ZNF236: variants seen among roughly 807,000 people sequenced by gnomAD.
ZNF236 encodes the protein zinc finger protein 236.
ZNF236 carries 50 observed loss-of-function variants against 191.2 expected under a neutral mutation model. The observed-to-expected ratio is 0.26, with a 90% CI of 0.21 to 0.33. The LOEUF is 0.33. Ranked by LOEUF, ZNF236 falls within the 10% of genes least tolerant of loss-of-function variation. The probability of loss-of-function intolerance (pLI) is 1.00; values close to 1 mark genes in which losing one functional copy is unlikely to be tolerated. For synonymous variants in ZNF236, 907 were observed against 928.8 expected, an observed-to-expected ratio of 0.98 and a Z score of 0.43; for missense variants, 1,754 against 2,374.5, an observed-to-expected ratio of 0.74 and a Z score of 5.43.
chr18:76,876,900 G>C (rs867021129), intron 6 of ZNF236, among the ~76,000 whole-genome samples: 1 of 152,176 alleles, frequency 6.6e-6, no homozygotes, highest in Non-Finnish European at 1.5e-5. Context: ...CTCACCTGTT[G>C]CCACTGAGAA....
Position 76,875,867 on chromosome 18 carries a change from T to G in ZNF236, c.840+203T>G, listed in dbSNP as rs1413424033. ...GAAGAAATATAAACTACTATCTTTT[T>G]TGTCTTCTTGCTGACAGCATGGCTT... On this transcript the variant is annotated intron_variant, in intron 6 of 30. Transcript: ENST00000320610. This position sits in a 1 kb window ranked among gnomAD's most constrained non-coding sequence, Gnocchi z 4.3. Among the ~76,000 whole-genome samples, 2 of 152,248 alleles carry G rather than the reference T, an allele frequency of 1.3e-5. No homozygotes were observed. The highest frequency in any genetic ancestry group is 2.4e-5 in the African/African-American group (1 of 41,472).
rs1221660213 is a variant in ZNF236 at position 76,881,147 on chromosome 18, T to A, written c.1189-137T>A. On this transcript the variant is annotated intron_variant, in intron 8 of 30. Coordinates refer to ENST00000320610, the MANE Select transcript of ZNF236 (RefSeq NM_001306089.2). ...CTCAAAGGGTTGGAAGCCTCACTTA[T>A]AAGTGATGACTTGGAATTGTAGATT... is the stretch of plus-strand genomic sequence containing the variant. 10 of 781,792 alleles carry A rather than the reference T, an allele frequency of 1.3e-5. No individual in the cohort carries two copies. In the East Asian group the frequency reaches 2.7e-4, roughly 21 times the overall value. 48.4% of individuals were successfully genotyped at this position (781,792 alleles called of 1,614,324 possible). A position where few individuals can be genotyped will look rare whatever the true frequency, so the allele number is the denominator to read the frequency against.
chr18:76,898,994 T>C, intron 10 of ZNF236, 25 bp from the exon 11 acceptor site: 3 of 1,587,706 alleles, frequency 1.9e-6, no homozygotes, highest in Non-Finnish European at 2.6e-6. Context: ...GAAATAATTC[T>C]AAAATGTGAT....
At position 76,913,887 on chromosome 18, in the gene ZNF236, A is replaced by G. The variant is rs760108287; in HGVS notation, c.3050A>G (p.Lys1017Arg). The change falls in exon 18 of 31, where the codon AAG (lysine) becomes AGG (arginine). Residue 1017 changes from lysine to arginine, a missense_variant. By Grantham distance (26) the Lys-to-Arg change is conservative. Around this residue, in one of 5 missense-constraint regions of ZNF236, gnomAD observed 641 missense variants for 869.6 expected, o/e 0.74. Coordinates refer to ENST00000320610, the MANE Select transcript of ZNF236 (RefSeq NM_001306089.2). ...VSSGVLKSHE[K>R]THTGVKAFSC... is the part of the protein sequence containing the mutation. ...TCTGGGGTCCTCAAGTCCCACGAGA[A>G]GACACACACAGGTCACTGTCTGCCT... 1.2e-6 allele frequency: 2 copies of G among 1,614,236 alleles called. No individual in the cohort carries two copies. Among genetic ancestry groups the G allele is most frequent in the South Asian group, 2.2e-5 (2 of 91,084 alleles).
chr18:76,885,927 C>CA (rs1308260742), intron 9 of ZNF236: 1 of 152,434 alleles, frequency 6.6e-6, no homozygotes, highest in Non-Finnish European at 1.5e-5. Context: ...CGCCATTCCC[C>CA]AGTCTGCTCG....
Position 76,949,943 on chromosome 18 carries a change from C to CA in ZNF236, c.4914+2292dup, listed in dbSNP as rs1307351931. 2.0e-5 allele frequency among the ~76,000 whole-genome samples: 3 copies of CA among 149,338 alleles called. No individual in the cohort carries two copies. The East Asian group carries it at 5.9e-4, about 30-fold the overall frequency. Reference sequence around the variant, plus strand: ...CAGTGCTGGGATTACAGGCATGAGCCACTGTGCCTGACCAGCATTACGTTT... The same window carrying CA: ...CAGTGCTGGGATTACAGGCATGAGCCAACTGTGCCTGACCAGCATTACGTTT... On this transcript the variant is annotated intron_variant, in intron 27 of 30. Coordinates refer to ENST00000320610, the MANE Select transcript of ZNF236 (RefSeq NM_001306089.2).
At chr18:76,913,501 T>G (rs576332575) in intron 17 of ZNF236, among the ~76,000 whole-genome samples, 3 of 152,376 alleles carry the variant, frequency 2.0e-5, no homozygotes, top group Non-Finnish European at 4.4e-5. Flanking sequence ...TTACTGTTTT[T>G]TAAGTAATAC....
At position 76,923,149 on chromosome 18, in the gene ZNF236, C is replaced by T. The variant is rs57977862; in HGVS notation, c.3636C>T (p.Leu1212=). 1.8e-3 allele frequency: 2,954 copies of T among 1,613,592 alleles called. 90 individuals carry two copies. The East Asian group carries it at 0.061, about 33-fold the overall frequency. The change falls in exon 21 of 31, where the codon CTC becomes CTT. Residue 1212 remains leucine, a synonymous_variant. Coordinates refer to ENST00000320610, the MANE Select transcript of ZNF236 (RefSeq NM_001306089.2). ...CGKSFTVKST[L]DCHVKTHTGQ... is the part of the protein sequence containing the mutation. ...AGAGTTTTACTGTGAAATCCACTCTCGATTGTCATGTGAAGACTCACACAG... is the reference window on the plus strand; with the variant it reads ...AGAGTTTTACTGTGAAATCCACTCTTGATTGTCATGTGAAGACTCACACAG...
Position 76,908,345 on chromosome 18 carries a change from C to T in ZNF236, c.2323C>T (p.Gln775Ter). The change falls in exon 14 of 31, where the codon CAG becomes TAG. Residue 775 changes from glutamine (Q) to a stop codon, truncating the protein, a stop_gained. Coordinates refer to ENST00000320610, the MANE Select transcript of ZNF236 (RefSeq NM_001306089.2). LOFTEE classifies it high-confidence loss of function. ...HRYELAQQLQQHQQAASIDDS... is the reference protein window; with the variant it reads ...HRYELAQQLQ ...ATATGAGCTTGCCCAGCAGCTCCAA[C>T]AGCATCAGCAGGCAGCCTCGATAGA... 1.2e-6 allele frequency: 2 copies of T among 1,613,900 alleles called. No homozygotes were observed. The highest frequency in any genetic ancestry group is 8.5e-7 in the Non-Finnish European group (1 of 1,179,852).
intron 9 of ZNF236, chr18:76,887,581 A>G (rs554414447): frequency 3.3e-5 from 5 of 152,280 alleles, no homozygotes; most frequent in African/African-American, 1.2e-4. Flanking sequence ...ATAATGACAT[A>G]CCAGAGACTG....
At chr18:76,826,370 C>T (rs971188546) in intron 1 of ZNF236, among the ~76,000 whole-genome samples, 26 of 150,986 alleles carry the variant, frequency 1.7e-4, no homozygotes, top group African/African-American at 4.1e-4. Context: ...ATGATCCGCC[C>T]GCCTCGGCCT....
intron 9 of ZNF236, chr18:76,886,602 G>A (rs1467288158): frequency 1.2e-5 from 2 of 162,602 alleles, no homozygotes; most frequent in East Asian, 3.6e-4. Context: ...GTGCTGTGGT[G>A]TCGAAATATA....
At chr18:76,902,736 A>C (rs1289595221) in intron 11 of ZNF236, among the ~76,000 whole-genome samples, 2 of 148,790 alleles carry the variant, frequency 1.3e-5, no homozygotes. Flanking sequence ...CATGCCTGGT[A>C]ATTTTTGTAT....
chr18:76,951,559 C>T (rs73968240), intron 27 of ZNF236, among the ~76,000 whole-genome samples: 19,461 of 152,236 alleles, frequency 0.13, 2,635 homozygotes, highest in African/African-American at 0.34. Flanking sequence ...CTGGATTAGG[C>T]TTTGGCTTAA....
intron 20 of ZNF236, 59 bp from the exon 21 acceptor site, chr18:76,923,012 T>C: frequency 7.6e-7 from 1 of 1,309,994 alleles, no homozygotes; most frequent in East Asian, 2.4e-5. Flanking sequence ...TATATAGTTA[T>C]AAATTTCAAA....
chr18:76,887,867 G>A (rs1448123099), intron 9 of ZNF236: 1 of 152,180 alleles, frequency 6.6e-6, no homozygotes, highest in African/African-American at 2.4e-5. Context: ...TAGCATTCAA[G>A]GTGAGATTTG....
intron 25 of ZNF236, among the ~76,000 whole-genome samples, chr18:76,933,399 G>A (rs893534441): frequency 2.6e-5 from 4 of 152,018 alleles, no homozygotes; most frequent in African/African-American, 9.7e-5. Context: ...GAACCTGGGA[G>A]GTGGAGGTTG....
chr18:76,948,617 G>A (rs60188801), intron 27 of ZNF236, among the ~76,000 whole-genome samples: 4,750 of 152,272 alleles, frequency 0.031, 242 homozygotes, highest in African/African-American at 0.11. Context: ...ACCCAGGCAC[G>A]AGCTTCCCAG....
intron 27 of ZNF236, 112 bp downstream of exon 27, chr18:76,947,764 G>T (rs974405113): frequency 1.2e-5 from 16 of 1,363,978 alleles, no homozygotes; most frequent in Non-Finnish European, 1.6e-5. Flanking sequence ...GGTGGCTGGG[G>T]CTGACTTCTG....
Sources: gnomAD v4.1 joint callset for allele counts (sites outside exome capture counted in the v4.1 genomes callset) on GRCh38, gnomAD v4.1.1 for gene constraint, gnomAD v4.1.1 regional missense constraint, Gnocchi (gnomAD v3.1) non-coding constraint, MANE v1.5 for transcripts, NCBI Gene and HGNC (gene_info 2026-07-23, HGNC 2026-07-21) for gene names.